The following SCN1A variants were observed in gnomAD, a reference collection of about 807,000 sequenced individuals.
The protein encoded by SCN1A is sodium voltage-gated channel alpha subunit 1.
Under a neutral mutation model 193.7 loss-of-function variants are expected in SCN1A, and 13 were observed. That is an observed-to-expected ratio of 0.07 (90% CI 0.04 to 0.11). The LOEUF is 0.11. SCN1A is among the 10% of genes least tolerant of loss of function. SCN1A has a pLI of 1.00. For missense variants in SCN1A, 1,432 were observed against 2,451.1 expected (o/e 0.58, Z 8.78); for synonymous variants, 781 against 843.6 (o/e 0.93, Z 1.29).
chr2:166,141,126 G>A (rs1692064099), intron 1 of SCN1A, among the ~76,000 whole-genome samples: 2 of 151,848 alleles, frequency 1.3e-5, no homozygotes, highest in Non-Finnish European at 1.5e-5. Context: ...ACCACTCCCC[G>A]GGTGTTCCCA....
Position 165,991,191 on chromosome 2 carries a change from C to T in SCN1A, c.*54G>A. On this transcript the variant is annotated 3_prime_UTR_variant, in exon 29 of 29. Transcript: ENST00000674923. ...AGGAGTCCTGTTGATAAAAATACAT[C>T]ACCTTCACAGGCTGTAAACAATTTG... is the stretch of plus-strand genomic sequence containing the variant. The T allele has an allele frequency of 6.7e-7, 1 of 1,485,982 alleles. No individual in the cohort carries two copies. The highest frequency in any genetic ancestry group is 2.4e-5 in the East Asian group (1 of 40,842). 92.0% of individuals were successfully genotyped at this position (1,485,982 alleles called of 1,614,324 possible).
intron 2 of SCN1A, among the ~76,000 whole-genome samples, chr2:166,088,452 A>C (rs1009286486): frequency 6.6e-6 from 1 of 152,130 alleles, no homozygotes; most frequent in Non-Finnish European, 1.5e-5. Flanking sequence ...TTTTGGATTC[A>C]TTTCTACTCT....
intron 19 of SCN1A, among the ~76,000 whole-genome samples, chr2:166,028,808 G>T (rs748202109): frequency 6.6e-6 from 1 of 152,100 alleles, no homozygotes; most frequent in Non-Finnish European, 1.5e-5. Context: ...GAACATAATA[G>T]ACTTAGTATC....
At chr2:166,025,506 T>G (rs2105717901) in intron 19 of SCN1A, among the ~76,000 whole-genome samples, 1 of 152,076 alleles carries the variant, frequency 6.6e-6, no homozygotes, top group African/African-American at 2.4e-5. Context: ...CCTGATTAGG[T>G]CAGGCCCACC....
At chr2:166,098,828 G>C (rs1431407982) in intron 2 of SCN1A, among the ~76,000 whole-genome samples, 1 of 152,056 alleles carries the variant, frequency 6.6e-6, no homozygotes. Flanking sequence ...TCTACAACAA[G>C]AATTATGAAA....
intron 6 of SCN1A, 103 bp from the exon 7 acceptor site, chr2:166,054,869 A>G (rs1045273550): frequency 9.7e-7 from 1 of 1,029,686 alleles, no homozygotes; most frequent in East Asian, 2.6e-5. Flanking sequence ...ACTAAAAAAG[A>G]AAACTAAGCA....
At chr2:166,125,644 G>A (rs1259625338) in intron 2 of SCN1A, among the ~76,000 whole-genome samples, 1 of 152,108 alleles carries the variant, frequency 6.6e-6, no homozygotes, top group African/African-American at 2.4e-5. Flanking sequence ...TTCCTCTGTT[G>A]GTGGTGATAG....
intron 23 of SCN1A, among the ~76,000 whole-genome samples, chr2:166,004,632 C>T (rs1472546150): frequency 6.6e-6 from 1 of 151,496 alleles, no homozygotes; most frequent in Non-Finnish European, 1.5e-5. Context: ...AAATATTTTT[C>T]TTACCTTGGT....
chr2:165,991,715 A>T lies in SCN1A; in HGVS notation c.5560T>A (p.Leu1854Met), dbSNP rs1452952636. Residue 1854 changes from leucine (L) to methionine (M), a missense_variant, in exon 29 of 29, where the codon TTG (leucine) becomes ATG (methionine). Transcript: ENST00000674923. ...PNKLQLIAMD[L>M]PMVSGDRIHC... ...ATCCGGTCACCACTCACCATGGGCAAATCCATGGCAATGAGCTGGAGTTTG... is the reference window on the plus strand; with the variant it reads ...ATCCGGTCACCACTCACCATGGGCATATCCATGGCAATGAGCTGGAGTTTG... 6.2e-7 allele frequency: 1 copy of T among 1,613,902 alleles called. No individual in the cohort carries two copies. Among genetic ancestry groups the T allele is most frequent in the Non-Finnish European group, 8.5e-7 (1 of 1,179,916 alleles).
chr2:166,107,361 A>G (rs1449998200), intron 2 of SCN1A, among the ~76,000 whole-genome samples: 1 of 152,142 alleles, frequency 6.6e-6, no homozygotes, highest in Non-Finnish European at 1.5e-5. Context: ...TTTACCCATA[A>G]CAGTCACACA....
At chr2:166,122,582 CAT>C (rs1690719260) in intron 2 of SCN1A, among the ~76,000 whole-genome samples, 1 of 152,014 alleles carries the variant, frequency 6.6e-6, no homozygotes, top group Non-Finnish European at 1.5e-5. Context: ...ATGCTAAAAT[CAT>C]AAACGCATGG....
intron 14 of SCN1A, 89 bp downstream of exon 14, chr2:166,043,580 A>G (rs2105840782): frequency 1.7e-5 from 24 of 1,418,568 alleles, no homozygotes; most frequent in Non-Finnish European, 2.3e-5. Context: ...CCAACCAGGA[A>G]TCATTCTCAA....
At position 166,127,980 on chromosome 2, in the gene SCN1A, T is replaced by A. The variant is rs1051159665; in HGVS notation, c.-438A>T. On this transcript the variant is annotated 5_prime_UTR_variant, in exon 1 of 29. The change creates a premature stop within an existing upstream ORF in the 5' untranslated region. Coordinates refer to ENST00000674923, the MANE Select transcript of SCN1A (RefSeq NM_001165963.4). The stretch of plus-strand genomic sequence containing the variant: ...CATACACACATGCACCAGAGACCTC[T>A]GCAGTATCCTCTCGGCTTCATCCTC... The A allele has an allele frequency of 6.8e-6, 1 of 147,950 alleles. No individual in the cohort carries two copies. The highest frequency in any genetic ancestry group is 2.5e-5 in the African/African-American group (1 of 40,006). 9.2% of individuals were successfully genotyped at this position (147,950 alleles called of 1,614,324 possible). A position where few individuals can be genotyped will look rare whatever the true frequency, so the allele number is the denominator to read the frequency against.
chr2:166,098,549 G>A (rs920801917), intron 2 of SCN1A, among the ~76,000 whole-genome samples: 1 of 152,068 alleles, frequency 6.6e-6, no homozygotes, highest in African/African-American at 2.4e-5. Flanking sequence ...CAAATACGAA[G>A]AGAGGAAGTC....
chr2:166,030,031 A>G (rs1046687056), intron 19 of SCN1A, among the ~76,000 whole-genome samples: 16 of 152,170 alleles, frequency 1.1e-4, no homozygotes, highest in African/African-American at 3.9e-4. Flanking sequence ...ACCTATGCCC[A>G]ATGTGCAGTG....
intron 23 of SCN1A, among the ~76,000 whole-genome samples, chr2:166,009,074 G>C (rs557860499): frequency 2.6e-5 from 4 of 151,022 alleles, no homozygotes; most frequent in African/African-American, 9.7e-5. Context: ...CTATAGTAAT[G>C]AGTCAAAATT....
intron 2 of SCN1A, among the ~76,000 whole-genome samples, chr2:166,118,193 C>T (rs180966575): frequency 6.8e-6 from 1 of 146,676 alleles, no homozygotes; most frequent in African/African-American, 2.5e-5. Context: ...AGTTTGGTCC[C>T]AGAGAAGATA....
intron 1 of SCN1A, among the ~76,000 whole-genome samples, chr2:166,148,594 C>T (rs1043694060): frequency 3.9e-5 from 6 of 152,248 alleles, no homozygotes; most frequent in Non-Finnish European, 7.4e-5. Context: ...CACCTAACTG[C>T]CAGTTTATTC....
chr2:166,099,532 A>T (rs1418109564), intron 2 of SCN1A, among the ~76,000 whole-genome samples: 3 of 132,574 alleles, frequency 2.3e-5, no homozygotes, highest in African/African-American at 8.8e-5. Context: ...CAGGAGAAGG[A>T]AATAAAGGGT....
Sources: gnomAD v4.1 joint callset for allele counts (sites outside exome capture counted in the v4.1 genomes callset) on GRCh38, gnomAD v4.1.1 for gene constraint, MANE v1.5 for transcripts, NCBI Gene and HGNC (gene_info 2026-07-23, HGNC 2026-07-21) for gene names.